Variants in CDKN2B-AS1 observed in about 807,000 individuals in gnomAD.
CDKN2B-AS1 encodes CDKN2B antisense RNA 1 (non-protein coding).
intron 4 of CDKN2B-AS1, among the ~76,000 whole-genome samples, chr9:22,103,793 G>T (rs949237988): frequency 6.6e-6 from 1 of 152,124 alleles, no homozygotes; most frequent in Admixed American, 6.5e-5. Context: ...GCTGAGGCAA[G>T]GGGACATACC....
At chr9:22,023,896 C>A (rs1421767798) in intron 1 of CDKN2B-AS1, among the ~76,000 whole-genome samples, 2 of 152,162 alleles carry the variant, frequency 1.3e-5, no homozygotes, top group Non-Finnish European at 2.9e-5. Flanking sequence ...TATAACTCTG[C>A]GAACTTCATT....
intron 1 of CDKN2B-AS1, among the ~76,000 whole-genome samples, chr9:22,035,056 A>T (rs1232301069): frequency 6.6e-6 from 1 of 152,200 alleles, no homozygotes; most frequent in Non-Finnish European, 1.5e-5. Flanking sequence ...TAAGCTATGT[A>T]GCTAAATATA....
At chr9:22,052,187 A>G (rs1002304033) in intron 3 of CDKN2B-AS1, among the ~76,000 whole-genome samples, 3 of 152,026 alleles carry the variant, frequency 2.0e-5, no homozygotes, top group Admixed American at 1.3e-4. Context: ...TACAAGTACT[A>G]TTTTACTTTT....
At chr9:22,004,287 A>G (rs1821061909) in intron 1 of CDKN2B-AS1, 1 of 232,356 alleles carries the variant, frequency 4.3e-6, no homozygotes, top group African/African-American at 2.2e-5. Context: ...ACTCCTTCTT[A>G]TAAGTCTCCA....
intron 1 of CDKN2B-AS1, among the ~76,000 whole-genome samples, chr9:22,034,587 A>G (rs537307084): frequency 1.3e-5 from 2 of 152,248 alleles, no homozygotes; most frequent in Admixed American, 6.5e-5. Context: ...ATGACAATTA[A>G]CTCCCATTTC....
intron 4 of CDKN2B-AS1, among the ~76,000 whole-genome samples, chr9:22,090,337 A>G (rs912889149): frequency 6.6e-6 from 1 of 152,208 alleles, no homozygotes; most frequent in Non-Finnish European, 1.5e-5. Context: ...CTTTGGGTAT[A>G]GACCCAGTAA....
chr9:22,006,320 G>A lies in CDKN2B-AS1; in HGVS notation n.29+11159G>A. The A allele has an allele frequency of 7.6e-6, 12 of 1,588,048 alleles. No individual in the cohort carries two copies. The highest frequency in any genetic ancestry group is 1.7e-5 in the Admixed American group (1 of 59,064). On this transcript the variant is annotated intron_variant and non_coding_transcript_variant, in intron 1 of 4. Transcript: ENST00000650946. The surrounding 1 kb of genome is among the most constrained non-coding windows in gnomAD (Gnocchi z 6.4). ...GGAGATGCCGGCCGGGGCAAGGCAG[G>A]TGGAGCCATTTAAAGAAACACCTAA... is the stretch of plus-strand genomic sequence containing the variant.
Position 22,039,649 on chromosome 9 carries a change from A to C in CDKN2B-AS1, n.30-7102A>C, listed in dbSNP as rs1822822768. Reference sequence around the variant, plus strand: ...TGGATAATTTATATAGTCTCTTAAAAAAACAGATTATAGTAAGAAGTGGCT... The same window carrying C: ...TGGATAATTTATATAGTCTCTTAAACAAACAGATTATAGTAAGAAGTGGCT... On this transcript the variant is annotated intron_variant and non_coding_transcript_variant, in intron 1 of 4. Coordinates refer to ENST00000650946, the Ensembl canonical transcript of CDKN2B-AS1. This position sits in a 1 kb window ranked among gnomAD's most constrained non-coding sequence, Gnocchi z 4.4. Among the ~76,000 whole-genome samples, 1 of 152,000 alleles carries C rather than the reference A, an allele frequency of 6.6e-6. No individual in the cohort carries two copies. Among genetic ancestry groups the C allele is most frequent in the African/African-American group, 2.4e-5 (1 of 41,404 alleles).
intron 4 of CDKN2B-AS1, among the ~76,000 whole-genome samples, chr9:22,122,562 T>A (rs1826123848): frequency 6.6e-6 from 1 of 152,174 alleles, no homozygotes; most frequent in South Asian, 2.1e-4. Context: ...CATTTTGCAA[T>A]GATATTTATA....
At chr9:22,053,615 G>A (rs148896349) in intron 3 of CDKN2B-AS1, among the ~76,000 whole-genome samples, 425 of 152,234 alleles carry the variant, frequency 2.8e-3, no homozygotes, top group African/African-American at 8.1e-3. Context: ...CCTTCCAGAT[G>A]ACTTCTTTCT....
In CDKN2B-AS1 at chr9:22,050,738, C is replaced by T. The variant is rs370253113; in HGVS notation, n.302+1510C>T. Among the ~76,000 whole-genome samples, 57 of 152,262 alleles carry T rather than the reference C, an allele frequency of 3.7e-4. 1 individual carries two copies. In the South Asian group the frequency reaches 0.011, roughly 28 times the overall value. On this transcript the variant is annotated intron_variant and non_coding_transcript_variant, in intron 3 of 4. Transcript: ENST00000650946. Reference sequence around the variant, plus strand: ...CACCTCAGGCTTTTGGCACCTAATTCGCTGGCACTGTCTAGGGAAGCTCCT... The same window carrying T: ...CACCTCAGGCTTTTGGCACCTAATTTGCTGGCACTGTCTAGGGAAGCTCCT...
intron 4 of CDKN2B-AS1, among the ~76,000 whole-genome samples, chr9:22,105,695 C>G (rs1825635155): frequency 6.6e-6 from 1 of 152,170 alleles, no homozygotes; most frequent in African/African-American, 2.4e-5. Context: ...CAGTAGGGAG[C>G]ATAAATTTCA....
intron 1 of CDKN2B-AS1, chr9:22,008,977 G>C: frequency 1.2e-6 from 2 of 1,613,252 alleles, no homozygotes; most frequent in South Asian, 2.2e-5. Context: ...GACGCGCAGC[G>C]GCCCGGATAA....
chr9:22,113,841 A>G (rs980280311), intron 4 of CDKN2B-AS1: 1 of 152,236 alleles, frequency 6.6e-6, no homozygotes, highest in African/African-American at 2.4e-5. Context: ...TATTGGCTGA[A>G]AATTTCAATA....
intron 4 of CDKN2B-AS1, chr9:22,119,472 G>A (rs72654274): frequency 3.3e-5 from 5 of 152,126 alleles, no homozygotes; most frequent in Non-Finnish European, 7.3e-5. Context: ...GGCGAGCAAA[G>A]AAGTGTGTTG....
chr9:22,010,616 A>G (rs1031046656), intron 1 of CDKN2B-AS1, among the ~76,000 whole-genome samples: 4 of 152,168 alleles, frequency 2.6e-5, no homozygotes, highest in African/African-American at 9.7e-5. Flanking sequence ...ACCACCATGG[A>G]AGTGCTGGTT....
chr9:22,064,612 C>T (rs1046466141), intron 4 of CDKN2B-AS1, among the ~76,000 whole-genome samples: 1 of 152,128 alleles, frequency 6.6e-6, no homozygotes, highest in South Asian at 2.1e-4. Context: ...CAGTTCGAGA[C>T]AGAGATATCT....
At chr9:22,105,993 C>G (rs1206523410) in intron 4 of CDKN2B-AS1, among the ~76,000 whole-genome samples, 4 of 152,186 alleles carry the variant, frequency 2.6e-5, no homozygotes, top group Non-Finnish European at 4.4e-5. Flanking sequence ...TCACTGCAAC[C>G]TCTGCCTCCC....
intron 1 of CDKN2B-AS1, among the ~76,000 whole-genome samples, chr9:22,025,496 C>T (rs1285803895): frequency 6.6e-6 from 1 of 152,060 alleles, no homozygotes; most frequent in East Asian, 1.9e-4. Flanking sequence ...TGGGGTGTGG[C>T]TAGAGGTCCA....
Sources: gnomAD v4.1 joint callset for allele counts (sites outside exome capture counted in the v4.1 genomes callset) on GRCh38, gnomAD v4.1.1 for gene constraint, Gnocchi (gnomAD v3.1) non-coding constraint, MANE v1.5 for transcripts, NCBI Gene and HGNC (gene_info 2026-07-23, HGNC 2026-07-21) for gene names.